The following RRP12 variants were observed in gnomAD, a reference collection of about 807,000 sequenced individuals.
The protein encoded by RRP12 is ribosomal RNA processing 12 homolog, also known as RRP12-like protein.
A neutral mutation model predicts 157.3 loss-of-function variants in RRP12; 78 were observed. The observed-to-expected ratio is 0.50, with a 90% CI of 0.41 to 0.60. The LOEUF (loss-of-function observed/expected upper bound fraction) is 0.60. Ranked by LOEUF, RRP12 falls within the 20% of genes least tolerant of loss-of-function variation. The pLI is 0.00. For missense variants in RRP12, 1,521 were observed against 1,679.9 expected (o/e 0.91, Z 1.65); for synonymous variants, 726 against 670.9 (o/e 1.08, Z -1.27).
At chr10:97,393,835 T>A (rs557895981) in intron 3 of RRP12, 75 bp from the exon 4 acceptor site, 1 of 1,229,574 alleles carries the variant, frequency 8.1e-7, no homozygotes, top group African/African-American at 1.5e-5. Context: ...TGGGGGAACA[T>A]GTGCCCAGCA....
chr10:97,378,975 CA>C (rs1423849233), intron 15 of RRP12, among the ~76,000 whole-genome samples: 1 of 152,186 alleles, frequency 6.6e-6, no homozygotes, highest in East Asian at 1.9e-4. Flanking sequence ...CAAGGGCTTG[CA>C]TGAGGAAGAA....
At chr10:97,359,096 T>C in intron 31 of RRP12, 86 bp from the exon 32 acceptor site, 2 of 1,007,276 alleles carry the variant, frequency 2.0e-6, no homozygotes, top group African/African-American at 1.6e-5. Context: ...CTGAGAGAGC[T>C]GCAAGGGAGC....
At chr10:97,375,538 G>C (rs1844281310) in intron 15 of RRP12, among the ~76,000 whole-genome samples, 1 of 152,128 alleles carries the variant, frequency 6.6e-6, no homozygotes, top group Admixed American at 6.6e-5. Flanking sequence ...GTACGCACTT[G>C]TCTATCTTCT....
intron 2 of RRP12, 51 bp from the exon 3 acceptor site, chr10:97,396,352 C>T: frequency 7.2e-7 from 1 of 1,390,130 alleles, no homozygotes; most frequent in Non-Finnish European, 1.0e-6. Context: ...AACCCCACCC[C>T]AGGGGAACCT....
In RRP12 at chr10:97,367,107, T is replaced by C; in HGVS notation, c.2981A>G (p.Asp994Gly). The C allele has an allele frequency of 6.2e-7, 1 of 1,614,198 alleles. No individual in the cohort carries two copies. Among genetic ancestry groups the C allele is most frequent in the Non-Finnish European group, 8.5e-7 (1 of 1,180,032 alleles). Reference sequence around the variant, plus strand: ...CATGCGGAAGTGCCGCCGCATGTCATCTGAAAGCTTCCCAATGGCTTCCAT... The same window carrying C: ...CATGCGGAAGTGCCGCCGCATGTCACCTGAAAGCTTCCCAATGGCTTCCAT... The part of the protein sequence containing the change: ...LVMEAIGKLS[D>G]DMRRHFRMKL... Residue 994 changes from aspartate to glycine, a missense_variant, in exon 26 of 34, where the codon GAT becomes GGT. By Grantham distance (94) the Asp-to-Gly change is moderately conservative (BLOSUM62 -1). Transcript: ENST00000370992.
intron 2 of RRP12, among the ~76,000 whole-genome samples, chr10:97,398,999 C>T (rs1003666360): frequency 1.5e-4 from 23 of 152,090 alleles, no homozygotes; most frequent in Admixed American, 2.6e-4. Flanking sequence ...TTGGGCCGGG[C>T]GCAGTGGCTC....
intron 32 of RRP12, 57 bp from the exon 33 acceptor site, chr10:97,358,676 G>A: frequency 7.5e-7 from 1 of 1,336,612 alleles, no homozygotes; most frequent in Non-Finnish European, 1.1e-6. Context: ...TTCTGTCCCT[G>A]CCCTAGACTT....
At chr10:97,379,791 C>A in intron 13 of RRP12, 21 bp from the exon 14 acceptor site, 1 of 1,589,510 alleles carries the variant, frequency 6.3e-7, no homozygotes, top group Non-Finnish European at 8.6e-7. Flanking sequence ...GATGAGTGAC[C>A]ACACATCAAG....
At chr10:97,397,627 C>T (rs958120020) in intron 2 of RRP12, among the ~76,000 whole-genome samples, 4 of 151,604 alleles carry the variant, frequency 2.6e-5, no homozygotes, top group African/African-American at 4.8e-5. Context: ...TTATAAATAT[C>T]GTTCAGTAGG....
chr10:97,385,395 TC>T, intron 9 of RRP12, 138 bp from the exon 10 acceptor site: 1 of 665,486 alleles, frequency 1.5e-6, no homozygotes, highest in Non-Finnish European at 2.6e-6. Context: ...CCCTTGGCTT[TC>T]CCAGCTCCTG....
chr10:97,366,655 C>T (rs1843990886), intron 27 of RRP12, 34 bp from the exon 28 acceptor site: 1 of 1,602,382 alleles, frequency 6.2e-7, no homozygotes, highest in Admixed American at 1.7e-5. Flanking sequence ...AGAGTGCTCC[C>T]AGGAGAGGCG....
At chr10:97,373,313 T>G in intron 17 of RRP12, 113 bp from the exon 18 acceptor site, 1 of 1,206,048 alleles carries the variant, frequency 8.3e-7, no homozygotes, top group Non-Finnish European at 1.2e-6. Context: ...GGACTTGGAA[T>G]CCATGGGTTT....
At chr10:97,377,726 C>T (rs1288290427) in intron 15 of RRP12, among the ~76,000 whole-genome samples, 1 of 151,630 alleles carries the variant, frequency 6.6e-6, no homozygotes, top group Non-Finnish European at 1.5e-5. Context: ...TGCTTGTAAT[C>T]CCAGCTCCTT....
At chr10:97,397,627 C>G (rs958120020) in intron 2 of RRP12, among the ~76,000 whole-genome samples, 2 of 151,604 alleles carry the variant, frequency 1.3e-5, no homozygotes, top group Admixed American at 1.3e-4. Context: ...TTATAAATAT[C>G]GTTCAGTAGG....
Position 97,369,515 on chromosome 10 carries a change from G to C in RRP12, c.2865C>G (p.Thr955=), listed in dbSNP as rs1844081351. 6.2e-7 allele frequency: 1 copy of C among 1,601,528 alleles called. No individual in the cohort carries two copies. Among genetic ancestry groups the C allele is most frequent in the Non-Finnish European group, 8.5e-7 (1 of 1,174,166 alleles). The change falls in exon 25 of 34, where the codon ACC becomes ACG. Residue 955 remains threonine (T), a synonymous_variant. Coordinates refer to ENST00000370992, the MANE Select transcript of RRP12 (RefSeq NM_015179.4). ...ENVCLLLASR[T]RDVVKSALGF... ...CCAGTGCAGACTTGACCACGTCACG[G>C]GTGCGGGAGGCCAGAAGCAGGCACA...
At position 97,390,749 on chromosome 10, in the gene RRP12, A is replaced by G. The variant is rs1203213492; in HGVS notation, c.626T>C (p.Val209Ala). 2 of 1,610,048 alleles carry G rather than the reference A, an allele frequency of 1.2e-6. No homozygotes were observed. The highest frequency in any genetic ancestry group is 2.7e-5 in the African/African-American group (2 of 74,822). The change falls in exon 5 of 34, where the codon GTC (valine) becomes GCC (alanine). Residue 209 changes from valine (V) to alanine (A), a missense_variant. Physicochemically the swap from Val to Ala is moderately conservative, Grantham distance 64. Transcript: ENST00000370992. ...SAQASSGSTS[V>A]LRWVLSCLAT... Reference sequence around the variant, plus strand: ...ACCCCAGACACTAACCCATCGGAGGACAGAGGTGGAGCCGCTGCTGGCCTG... The same window carrying G: ...ACCCCAGACACTAACCCATCGGAGGGCAGAGGTGGAGCCGCTGCTGGCCTG...
chr10:97,381,914 G>T, intron 10 of RRP12, 88 bp from the exon 11 acceptor site: 1 of 877,654 alleles, frequency 1.1e-6, no homozygotes, highest in Non-Finnish European at 1.8e-6. Flanking sequence ...GCCCAGCTCT[G>T]AAAACAGTCA....
chr10:97,366,801 G>C lies in RRP12; in HGVS notation c.3156C>G (p.Ala1052=). 1 of 1,613,972 alleles carries C rather than the reference G, an allele frequency of 6.2e-7. No individual in the cohort carries two copies. Among genetic ancestry groups the C allele is most frequent in the Non-Finnish European group, 8.5e-7 (1 of 1,180,018 alleles). The change falls in exon 27 of 34, where the codon GCC becomes GCG. Residue 1052 remains alanine, a synonymous_variant. Transcript: ENST00000370992. The part of the protein sequence containing the change: ...AKRHRALSQA[A]VEEEEEEEEE... ...CCTCCTCCTCTTCTTCCTCCTCCAC[G>C]GCAGCCTGGCTCAGGGCTCGGTGCC...
At chr10:97,387,552 A>G (rs1844669697) in intron 8 of RRP12, among the ~76,000 whole-genome samples, 1 of 151,974 alleles carries the variant, frequency 6.6e-6, no homozygotes, top group Non-Finnish European at 1.5e-5. Context: ...GGAACCACAC[A>G]TACAAAGAGC....
Sources: allele counts gnomAD v4.1 joint callset (sites outside exome capture counted in the v4.1 genomes callset), GRCh38; gene constraint gnomAD v4.1.1; transcripts MANE v1.5; gene names NCBI Gene and HGNC (gene_info 2026-07-23, HGNC 2026-07-21).